Variants in ZNF385B observed in about 807,000 individuals in gnomAD.
ZNF385B encodes the protein zinc finger protein 533.
In ZNF385B, 23 loss-of-function variants were observed where a neutral mutation model predicts 39.2. That is an observed-to-expected ratio of 0.59 (90% CI 0.42 to 0.83). ZNF385B has a LOEUF of 0.83. ZNF385B is among the 40% of genes least tolerant of loss of function. The pLI is 0.00. For missense variants in ZNF385B, 552 were observed against 598.9 expected, an observed-to-expected ratio of 0.92 and a Z score of 0.82; for synonymous variants, 205 against 222.6, an observed-to-expected ratio of 0.92 and a Z score of 0.70.
In ZNF385B at chr2:179,518,441, T is replaced by C. The variant is rs536077548; in HGVS notation, c.552+87A>G. 2.3e-4 allele frequency: 228 copies of C among 991,382 alleles called. 2 individuals are homozygous for C. In the South Asian group the frequency reaches 3.3e-3, roughly 14 times the overall value. 61.4% of individuals were successfully genotyped at this position (991,382 alleles called of 1,614,324 possible). A position where few individuals can be genotyped will look rare whatever the true frequency, so the allele number is the denominator to read the frequency against. ...ACCAATAGGAGTGGCTGCTACAGTA[T>C]GTAAATATGAAGAAATGTACGTATT... On this transcript the variant is annotated intron_variant, in intron 5 of 9. Transcript: ENST00000410066.
At chr2:179,734,416 G>A (rs1336430922) in intron 3 of ZNF385B, among the ~76,000 whole-genome samples, 1 of 152,142 alleles carries the variant, frequency 6.6e-6, no homozygotes, top group East Asian at 1.9e-4. Flanking sequence ...GTATGAGAGT[G>A]CCCCATGCCC....
intron 3 of ZNF385B, among the ~76,000 whole-genome samples, chr2:179,546,316 T>C (rs547593129): frequency 1.1e-4 from 17 of 152,236 alleles, no homozygotes; most frequent in Non-Finnish European, 2.4e-4. Flanking sequence ...GAATTACAGG[T>C]GTGAGCCACC....
At chr2:179,490,422 G>A (rs2055093109) in intron 5 of ZNF385B, among the ~76,000 whole-genome samples, 1 of 152,084 alleles carries the variant, frequency 6.6e-6, no homozygotes, top group African/African-American at 2.4e-5. Flanking sequence ...TAGAGGGCTT[G>A]AAATTAATTT....
At chr2:179,657,445 A>C (rs1693916606) in intron 3 of ZNF385B, among the ~76,000 whole-genome samples, 2 of 152,238 alleles carry the variant, frequency 1.3e-5, no homozygotes, top group Non-Finnish European at 2.9e-5. Context: ...AATAGAAGGC[A>C]GAAATGAATT....
intron 3 of ZNF385B, among the ~76,000 whole-genome samples, chr2:179,711,527 A>G (rs1045287137): frequency 4.6e-5 from 7 of 152,186 alleles, no homozygotes; most frequent in Non-Finnish European, 1.0e-4. Context: ...GCATATGCGG[A>G]GAATGACTCC....
chr2:179,601,773 T>C lies in ZNF385B; in HGVS notation c.299-56804A>G, dbSNP rs561277636. Among the ~76,000 whole-genome samples, 6 of 152,234 alleles carry C rather than the reference T, an allele frequency of 3.9e-5. No individual in the cohort carries two copies. In the East Asian group the frequency reaches 1.2e-3, roughly 29 times the overall value. On this transcript the variant is annotated intron_variant, in intron 3 of 9. Transcript: ENST00000410066. Reference sequence around the variant, plus strand: ...AATAACTATAAGGTCCCTTAAAGAATCAAGAGAGCCAGCAATATTATTACA... The same window carrying C: ...AATAACTATAAGGTCCCTTAAAGAACCAAGAGAGCCAGCAATATTATTACA...
At chr2:179,483,658 CA>C (rs1210729558) in intron 5 of ZNF385B, among the ~76,000 whole-genome samples, 1 of 152,068 alleles carries the variant, frequency 6.6e-6, no homozygotes, top group African/African-American at 2.4e-5. Flanking sequence ...TTTAAAAAAC[CA>C]GACATTATAT....
intron 1 of ZNF385B, among the ~76,000 whole-genome samples, chr2:179,858,828 C>T (rs998194679): frequency 1.3e-5 from 2 of 152,166 alleles, no homozygotes; most frequent in Non-Finnish European, 1.5e-5. Flanking sequence ...CAAAGACTCA[C>T]TCCTGTAAGA....
intron 9 of ZNF385B, 140 bp from the exon 10 acceptor site, chr2:179,443,608 C>G (rs10171283): frequency 0.76 from 529,235 of 697,474 alleles, 201,906 homozygotes; most frequent in Middle Eastern, 0.8. Context: ...GTCAAGAAAT[C>G]ATTATTTTCA....
chr2:179,631,846 C>CA lies in ZNF385B; in HGVS notation c.299-86878dup, dbSNP rs202153417. ...GAAGATCTACCAGGCAAATAGAAAGCAAAAAAAACACAAAAACAAACAAAA... is the reference window on the plus strand; with the variant it reads ...GAAGATCTACCAGGCAAATAGAAAGCAAAAAAAAACACAAAAACAAACAAAA... On this transcript the variant is annotated intron_variant, in intron 3 of 9. Coordinates refer to ENST00000410066, the MANE Select transcript of ZNF385B (RefSeq NM_152520.6). 7.8e-3 allele frequency among the ~76,000 whole-genome samples: 1,162 copies of CA among 148,528 alleles called. 2 individuals carry two copies. Among genetic ancestry groups the CA allele is most frequent in the African/African-American group, 0.013 (518 of 40,576 alleles).
intron 3 of ZNF385B, among the ~76,000 whole-genome samples, chr2:179,696,705 C>T (rs1218535931): frequency 2.0e-5 from 3 of 151,988 alleles, no homozygotes; most frequent in Non-Finnish European, 4.4e-5. Flanking sequence ...ATAAACTTTT[C>T]AAGAACTTTG....
intron 3 of ZNF385B, among the ~76,000 whole-genome samples, chr2:179,703,049 A>G (rs933389697): frequency 1.3e-5 from 2 of 152,258 alleles, no homozygotes; most frequent in African/African-American, 4.8e-5. Flanking sequence ...CACAGTAGCC[A>G]GGAAGATTCT....
intron 6 of ZNF385B, 97 bp downstream of exon 6, chr2:179,483,175 G>A (rs1046131250): frequency 1.6e-5 from 22 of 1,346,822 alleles, no homozygotes; most frequent in Non-Finnish European, 2.1e-5. Context: ...AACAAATCAT[G>A]GAGAGTAACA....
intron 3 of ZNF385B, among the ~76,000 whole-genome samples, chr2:179,679,283 T>C (rs1697280702): frequency 6.6e-6 from 1 of 152,242 alleles, no homozygotes; most frequent in Non-Finnish European, 1.5e-5. Flanking sequence ...CTATACCATC[T>C]AGGTTTATGT....
intron 3 of ZNF385B, among the ~76,000 whole-genome samples, chr2:179,758,600 A>T (rs1303861746): frequency 1.3e-5 from 2 of 152,208 alleles, no homozygotes; most frequent in Non-Finnish European, 2.9e-5. Context: ...GCACCTTGTG[A>T]CTAGCTCTGA....
intron 3 of ZNF385B, among the ~76,000 whole-genome samples, chr2:179,636,217 T>C (rs1691737314): frequency 6.6e-6 from 1 of 152,194 alleles, no homozygotes; most frequent in Non-Finnish European, 1.5e-5. Flanking sequence ...CTTTACTGAC[T>C]ACATACTTCT....
intron 6 of ZNF385B, among the ~76,000 whole-genome samples, chr2:179,455,583 C>G (rs550078537): frequency 6.6e-6 from 1 of 152,076 alleles, no homozygotes; most frequent in Non-Finnish European, 1.5e-5. Context: ...AAATAAACCT[C>G]TTTCGTTTAT....
chr2:179,699,175 T>C (rs1297308116), intron 3 of ZNF385B, among the ~76,000 whole-genome samples: 1 of 152,164 alleles, frequency 6.6e-6, no homozygotes, highest in East Asian at 1.9e-4. Flanking sequence ...TGCAATGGCA[T>C]TAAGTATATT....
At chr2:179,750,889 G>A (rs1702629482) in intron 3 of ZNF385B, among the ~76,000 whole-genome samples, 1 of 152,014 alleles carries the variant, frequency 6.6e-6, no homozygotes, top group South Asian at 2.1e-4. Flanking sequence ...AATGATAAAT[G>A]GCAAGTTGAT....
Sources: gnomAD v4.1 joint callset for allele counts (sites outside exome capture counted in the v4.1 genomes callset) on GRCh38, gnomAD v4.1.1 for gene constraint, MANE v1.5 for transcripts, NCBI Gene and HGNC (gene_info 2026-07-23, HGNC 2026-07-21) for gene names.